Variants in THBS4 observed in about 807,000 individuals in gnomAD.
THBS4 encodes the protein thrombospondin 4, also known as thrombospondin-4.
Under a neutral mutation model 115.7 loss-of-function variants are expected in THBS4, and 90 were observed. That is an observed-to-expected ratio of 0.78 (90% confidence interval 0.66 to 0.93). The LOEUF (loss-of-function observed/expected upper bound fraction) is 0.93, where lower values mean the gene tolerates loss of function less well. Ranked by LOEUF, THBS4 falls within the 40% of genes least tolerant of loss-of-function variation. The probability of loss-of-function intolerance (pLI) is 0.00; values close to 1 mark genes in which losing one functional copy is unlikely to be tolerated. For synonymous variants in THBS4, 460 were observed against 479.3 expected (o/e 0.96, Z 0.53); for missense variants, 1,087 against 1,232.7 (o/e 0.88, Z 1.77).
chr5:80,042,305 G>T (rs1417558462), intron 2 of THBS4, among the ~76,000 whole-genome samples: 1 of 152,232 alleles, frequency 6.6e-6, no homozygotes, highest in African/African-American at 2.4e-5. Flanking sequence ...TACTCAGTTT[G>T]TGATCGTAAA....
At chr5:79,993,885 G>A (rs1446589735) in intron 1 of THBS4, among the ~76,000 whole-genome samples, 2 of 152,176 alleles carry the variant, frequency 1.3e-5, no homozygotes, top group Admixed American at 1.3e-4. Context: ...ATATCCCTTT[G>A]AACTTGAAGA....
chr5:80,015,755 G>A (rs1482737283), intron 2 of THBS4, among the ~76,000 whole-genome samples: 2 of 152,194 alleles, frequency 1.3e-5, no homozygotes, highest in African/African-American at 4.8e-5. Flanking sequence ...AGGGACCAGG[G>A]TCAGGCCTTC....
At chr5:80,010,921 C>G (rs572841151) in intron 2 of THBS4, among the ~76,000 whole-genome samples, 30 of 152,308 alleles carry the variant, frequency 2.0e-4, no homozygotes, top group African/African-American at 6.3e-4. Flanking sequence ...TGCAGTTGGA[C>G]AGATGGCAGC....
At chr5:80,082,951 G>A in intron 21 of THBS4, 129 bp from the exon 22 acceptor site, 1 of 802,208 alleles carries the variant, frequency 1.2e-6, no homozygotes, top group South Asian at 1.6e-5. Flanking sequence ...GAAAATGGCG[G>A]CGAGGGCCTG....
upstream of THBS4, among the ~76,000 whole-genome samples, chr5:80,030,886 A>C (rs1832574305): frequency 6.6e-6 from 1 of 152,178 alleles, no homozygotes; most frequent in African/African-American, 2.4e-5. Flanking sequence ...TGACATAAAT[A>C]ATGGTAACTT....
At chr5:79,997,112 G>A (rs192085257) in intron 1 of THBS4, among the ~76,000 whole-genome samples, 2 of 151,856 alleles carry the variant, frequency 1.3e-5, no homozygotes. Context: ...AAGTGGGGAG[G>A]TAGTCAGAGA....
At chr5:80,079,376 TAAC>T in intron 19 of THBS4, 118 bp downstream of exon 19, 1 of 1,133,162 alleles carries the variant, frequency 8.8e-7, no homozygotes, top group Non-Finnish European at 1.2e-6. Context: ...GCATTTATGC[TAAC>T]GTTAGAGTCA....
At chr5:80,072,168 T>C (rs1020971133) in intron 13 of THBS4, 110 bp from the exon 14 acceptor site, 7 of 907,064 alleles carry the variant, frequency 7.7e-6, no homozygotes, top group Admixed American at 1.8e-5. Flanking sequence ...GGGTAGTCTC[T>C]GTGTGACACT....
chr5:80,009,976 C>G (rs745931431), intron 2 of THBS4, among the ~76,000 whole-genome samples: 4 of 151,960 alleles, frequency 2.6e-5, no homozygotes, highest in Non-Finnish European at 4.4e-5. Context: ...CTACCCACAC[C>G]CTACCCCCTA....
intron 19 of THBS4, among the ~76,000 whole-genome samples, chr5:80,079,664 G>T (rs1197090656): frequency 6.6e-6 from 1 of 152,222 alleles, no homozygotes; most frequent in African/African-American, 2.4e-5. Context: ...CAAATGTAGG[G>T]AGCAATGGAT....
chr5:80,010,371 G>A (rs1832100091), intron 2 of THBS4, among the ~76,000 whole-genome samples: 1 of 152,214 alleles, frequency 6.6e-6, no homozygotes, highest in Non-Finnish European at 1.5e-5. Flanking sequence ...GTAGAAGTAT[G>A]CAGTGGTCAG....
At chr5:80,007,599 CCTCAAGG>C (rs1832043958) in intron 2 of THBS4, among the ~76,000 whole-genome samples, 1 of 152,194 alleles carries the variant, frequency 6.6e-6, no homozygotes, top group Non-Finnish European at 1.5e-5. Flanking sequence ...TCAAGTTCTA[CCTCAAGG>C]CTCGCACTCT....
At chr5:79,996,135 A>C (rs1831788721) in intron 1 of THBS4, among the ~76,000 whole-genome samples, 1 of 151,926 alleles carries the variant, frequency 6.6e-6, no homozygotes, top group African/African-American at 2.4e-5. Context: ...ACTCTGTCAC[A>C]CATACACACA....
intron 3 of THBS4, among the ~76,000 whole-genome samples, 184 bp from the exon 4 acceptor site, chr5:80,058,022 T>G (rs1476830942): frequency 1.3e-5 from 2 of 152,234 alleles, no homozygotes; most frequent in African/African-American, 4.8e-5. Context: ...ACTTACATAT[T>G]CACTTTAGTC....
At chr5:80,057,933 C>T (rs1218549367) in intron 3 of THBS4, among the ~76,000 whole-genome samples, 1 of 152,176 alleles carries the variant, frequency 6.6e-6, no homozygotes, top group African/African-American at 2.4e-5. Flanking sequence ...AAAATAACTC[C>T]TTTACCATGT....
chr5:80,037,625 A>G (rs984278066), intron 1 of THBS4, among the ~76,000 whole-genome samples: 2 of 152,216 alleles, frequency 1.3e-5, no homozygotes, highest in African/African-American at 4.8e-5. Context: ...CAGACGAACC[A>G]TAGATTGAAA....
In THBS4 at chr5:80,070,346, A is replaced by G; in HGVS notation, c.1388A>G (p.Lys463Arg). 1 of 1,608,866 alleles carries G rather than the reference A, an allele frequency of 6.2e-7. No individual in the cohort carries two copies. Among genetic ancestry groups the G allele is most frequent in the Middle Eastern group, 1.7e-4 (1 of 6,010 alleles). Residue 463 changes from lysine (K) to arginine (R), a missense_variant, in exon 11 of 22, where the codon AAG becomes AGG. Physicochemically the swap from Lys to Arg is conservative, Grantham distance 26. This residue lies in a region of THBS4 where 979 missense variants were observed against 1,103.7 expected (regional missense o/e 0.89). Transcript: ENST00000350881. ...GWAGDGYICG[K>R]DVDIDSYPDE... ...GCTGGAGATGGCTATATCTGTGGAA[A>G]GGATGTGGACATCGACAGTTACCCC...
chr5:80,073,319 T>A lies in THBS4; in HGVS notation c.1884T>A (p.Asn628Lys). Residue 628 changes from asparagine to lysine, a missense_variant, in exon 15 of 22, where the codon AAT becomes AAA. Transcript: ENST00000350881. ...NDLVGDSCDTNQDSDGDGHQD... is the reference protein window; with the variant it reads ...NDLVGDSCDTKQDSDGDGHQD... ...TGGTTGGGGACTCCTGTGACACCAA[T>A]CAGGACAGGTATGGCATGTCTCCCA... 6.2e-7 allele frequency: 1 copy of A among 1,613,792 alleles called. No homozygotes were observed. Among genetic ancestry groups the A allele is most frequent in the Non-Finnish European group, 8.5e-7 (1 of 1,179,912 alleles).
At chr5:80,047,062 C>G (rs1833090044) in intron 2 of THBS4, among the ~76,000 whole-genome samples, 1 of 152,180 alleles carries the variant, frequency 6.6e-6, no homozygotes, top group South Asian at 2.1e-4. Context: ...TAAGAGTTCT[C>G]TAATCAACAA....
Sources: gnomAD v4.1 joint callset for allele counts (sites outside exome capture counted in the v4.1 genomes callset) on GRCh38, gnomAD v4.1.1 for gene constraint, gnomAD v4.1.1 regional missense constraint, MANE v1.5 for transcripts, NCBI Gene and HGNC (gene_info 2026-07-23, HGNC 2026-07-21) for gene names.